NXPH1: variants seen among roughly 807,000 people sequenced by gnomAD.
The protein encoded by NXPH1 is neurexophilin-1.
NXPH1 carries 5 observed loss-of-function variants against 23.7 expected under a neutral mutation model. That is an observed-to-expected ratio of 0.21 (90% CI 0.11 to 0.44). The LOEUF is 0.44. Ranked by LOEUF, NXPH1 falls within the 20% of genes least tolerant of loss-of-function variation. The pLI, the probability that NXPH1 is intolerant of heterozygous loss-of-function variation, is 0.99. For synonymous variants in NXPH1, 144 were observed against 122.2 expected (o/e 1.18, Z -1.18); for missense variants, 324 against 321.6 (o/e 1.01, Z -0.06).
chr7:8,740,893 G>T (rs1583256270), intron 2 of NXPH1, among the ~76,000 whole-genome samples: 1 of 151,996 alleles, frequency 6.6e-6, no homozygotes, highest in Non-Finnish European at 1.5e-5. Context: ...TTACCATTTT[G>T]TGTGTGTGTA....
rs144565737 is a variant in NXPH1 at position 8,558,452 on chromosome 7, AT to A, written c.54+122689del. Among the ~76,000 whole-genome samples, 477 of 151,676 alleles carry A rather than the reference AT, an allele frequency of 3.1e-3. 3 individuals carry two copies. The highest frequency in any genetic ancestry group is 0.011 in the African/African-American group (451 of 41,470). Reference sequence around the variant, plus strand: ...TGGTTAACAGTAAAATCGGCTTTTAATTTTATCTTTTTAATGTCTAGGAGAC... The same window carrying A: ...TGGTTAACAGTAAAATCGGCTTTTAATTTATCTTTTTAATGTCTAGGAGAC... On this transcript the variant is annotated intron_variant, in intron 2 of 2. Transcript: ENST00000405863.
intron 2 of NXPH1, among the ~76,000 whole-genome samples, chr7:8,706,254 A>T (rs1403503430): frequency 6.6e-6 from 1 of 152,240 alleles, no homozygotes; most frequent in Admixed American, 6.5e-5. Flanking sequence ...TTTAGCTGCC[A>T]TCATAAACTA....
intron 2 of NXPH1, among the ~76,000 whole-genome samples, chr7:8,503,336 T>G (rs776495960): frequency 1.3e-5 from 2 of 151,974 alleles, no homozygotes; most frequent in Non-Finnish European, 2.9e-5. Context: ...CCTGAGTATT[T>G]TGACTCCATA....
rs1250422532 is a variant in NXPH1, at chr7:8,751,392, G to A, written c.439G>A (p.Gly147Arg). The A allele has an allele frequency of 1.2e-6, 2 of 1,613,878 alleles. No individual in the cohort carries two copies. Among genetic ancestry groups the A allele is most frequent in the Admixed American group, 1.7e-5 (1 of 59,940 alleles). Reference sequence around the variant, plus strand: ...TGGGAAAATTGTAGATCATGGCAATGGGACATTTAGTGTTTATTTCAGGCA... The same window carrying A: ...TGGGAAAATTGTAGATCATGGCAATAGGACATTTAGTGTTTATTTCAGGCA... ...ITGKIVDHGN[G>R]TFSVYFRHNS... is the part of the protein sequence containing the mutation. The change falls in exon 3 of 3, where the codon GGG (glycine) becomes AGG (arginine). Residue 147 changes from glycine (G) to arginine (R), a missense_variant. Physicochemically the swap from Gly to Arg is moderately radical, Grantham distance 125 (BLOSUM62 -2). Transcript: ENST00000405863. The surrounding 1 kb of genome is among the most constrained non-coding windows in gnomAD (Gnocchi z 4.5).
chr7:8,475,998 T>G (rs1816964264), intron 2 of NXPH1, among the ~76,000 whole-genome samples: 2 of 152,134 alleles, frequency 1.3e-5, no homozygotes, highest in Admixed American at 1.3e-4. Context: ...TTTAAGGCAA[T>G]GGGAGTGGAG....
At chr7:8,703,086 G>C (rs939732246) in intron 2 of NXPH1, among the ~76,000 whole-genome samples, 1 of 152,078 alleles carries the variant, frequency 6.6e-6, no homozygotes, top group African/African-American at 2.4e-5. Flanking sequence ...TGCTGTTTCT[G>C]TCAGCATATC....
At position 8,435,803 on chromosome 7, in the gene NXPH1, AC is replaced by A; in HGVS notation, c.54+40del. ...GAAGGTTCGGGGCTTTCGCATTTTT[AC>A]CCCGGCCGGGAGGCAAGGAAACTGG... On this transcript the variant is annotated intron_variant, in intron 2 of 2. Transcript: ENST00000405863. This position sits in a 1 kb window ranked among gnomAD's most constrained non-coding sequence, Gnocchi z 5.9. 1.2e-6 allele frequency: 2 copies of A among 1,606,470 alleles called. No homozygotes were observed. Among genetic ancestry groups the A allele is most frequent in the Non-Finnish European group, 1.7e-6 (2 of 1,173,890 alleles).
intron 2 of NXPH1, among the ~76,000 whole-genome samples, chr7:8,522,451 T>G (rs1817788789): frequency 6.6e-6 from 1 of 152,186 alleles, no homozygotes; most frequent in South Asian, 2.1e-4. Context: ...TGGATCTAAT[T>G]TGTTTTATGT....
intron 2 of NXPH1, among the ~76,000 whole-genome samples, chr7:8,667,457 G>A (rs548654834): frequency 2.3e-4 from 20 of 86,892 alleles, no homozygotes; most frequent in African/African-American, 7.0e-4. Flanking sequence ...ATTCTTGGTT[G>A]ACAGTTTTTT....
chr7:8,637,515 G>T (rs879433479), intron 2 of NXPH1, among the ~76,000 whole-genome samples: 1 of 152,116 alleles, frequency 6.6e-6, no homozygotes, highest in Admixed American at 6.6e-5. Flanking sequence ...GTCAGCTACC[G>T]CACCTGGCCA....
intron 2 of NXPH1, among the ~76,000 whole-genome samples, chr7:8,529,521 G>A (rs1480821459): frequency 6.6e-6 from 1 of 152,216 alleles, no homozygotes; most frequent in African/African-American, 2.4e-5. Flanking sequence ...ATGCTGGCAA[G>A]AAAGGGCTCC....
At chr7:8,465,288 C>A (rs1057058647) in intron 2 of NXPH1, among the ~76,000 whole-genome samples, 1 of 152,168 alleles carries the variant, frequency 6.6e-6, no homozygotes, top group Non-Finnish European at 1.5e-5. Context: ...TCTGTTATAG[C>A]CCCCTTTCAG....
chr7:8,604,985 A>G (rs1819451029), intron 2 of NXPH1, among the ~76,000 whole-genome samples: 1 of 152,146 alleles, frequency 6.6e-6, no homozygotes, highest in South Asian at 2.1e-4. Context: ...ATTGATTCTT[A>G]AATATCACAA....
intron 2 of NXPH1, among the ~76,000 whole-genome samples, chr7:8,635,500 C>T (rs919402079): frequency 1.3e-5 from 2 of 152,076 alleles, no homozygotes; most frequent in Admixed American, 1.3e-4. Flanking sequence ...GGTATTTCCT[C>T]CATTATCAAG....
At chr7:8,633,835 G>T (rs12536792) in intron 2 of NXPH1, among the ~76,000 whole-genome samples, 4,510 of 152,174 alleles carry the variant, frequency 0.03, 239 homozygotes, top group East Asian at 0.17. Context: ...CGGAAGGAAG[G>T]TTCTTGTCAG....
In NXPH1 at chr7:8,487,894, C is replaced by T. The variant is rs143082260; in HGVS notation, c.54+52127C>T. 2.1e-3 allele frequency among the ~76,000 whole-genome samples: 325 copies of T among 151,988 alleles called. 4 individuals are homozygous for T. Among genetic ancestry groups the T allele is most frequent in the African/African-American group, 7.3e-3 (303 of 41,456 alleles). On this transcript the variant is annotated intron_variant, in intron 2 of 2. Transcript: ENST00000405863. ...TGCCTTATTAAGTAATTTAAACTTCCGAAACTTAATTTCCTTATCTGAAGA... is the reference window on the plus strand; with the variant it reads ...TGCCTTATTAAGTAATTTAAACTTCTGAAACTTAATTTCCTTATCTGAAGA...
intron 2 of NXPH1, among the ~76,000 whole-genome samples, chr7:8,449,877 T>C (rs1816474496): frequency 6.6e-6 from 1 of 152,230 alleles, no homozygotes; most frequent in South Asian, 2.1e-4. Flanking sequence ...TTTTATTCTT[T>C]AGGGACTTCC....
At chr7:8,444,486 C>T (rs1047016076) in intron 2 of NXPH1, among the ~76,000 whole-genome samples, 2 of 152,210 alleles carry the variant, frequency 1.3e-5, no homozygotes, top group African/African-American at 2.4e-5. Flanking sequence ...TGCTGGATTA[C>T]AAGCCTATTC....
At chr7:8,446,081 C>G (rs562532876) in intron 2 of NXPH1, among the ~76,000 whole-genome samples, 2 of 152,284 alleles carry the variant, frequency 1.3e-5, no homozygotes, top group South Asian at 4.1e-4. Context: ...CAATCTCTTA[C>G]TTGTGAAGCC....
Sources: allele counts gnomAD v4.1 joint callset (sites outside exome capture counted in the v4.1 genomes callset), GRCh38; gene constraint gnomAD v4.1.1; non-coding constraint Gnocchi (gnomAD v3.1); transcripts MANE v1.5; gene names NCBI Gene and HGNC (gene_info 2026-07-23, HGNC 2026-07-21).